Variants in MTHFD2L observed in about 807,000 individuals in gnomAD.
MTHFD2L encodes the protein methylenetetrahydrofolate dehydrogenase (NADP+ dependent) 2 like.
In MTHFD2L, 29 loss-of-function variants were observed where a neutral mutation model predicts 34.9. The observed-to-expected ratio is 0.83, with a 90% CI of 0.62 to 1.13. The LOEUF (loss-of-function observed/expected upper bound fraction) is 1.13, where lower values mean the gene tolerates loss of function less well. MTHFD2L is among the 50% of genes most tolerant of loss of function. The pLI is 0.00. For synonymous variants in MTHFD2L, 167 were observed against 155.7 expected (o/e 1.07, Z -0.54); for missense variants, 481 against 446.5 (o/e 1.08, Z -0.70).
At chr4:74,229,372 TTAAAG>T (rs1373983418) in intron 6 of MTHFD2L, among the ~76,000 whole-genome samples, 24 of 152,120 alleles carry the variant, frequency 1.6e-4, no homozygotes, top group African/African-American at 5.1e-4. Context: ...CAGTGGGTAT[TTAAAG>T]GAAATAGTGA....
At chr4:74,209,278 G>A (rs1735887874) in intron 5 of MTHFD2L, among the ~76,000 whole-genome samples, 1 of 152,100 alleles carries the variant, frequency 6.6e-6, no homozygotes, top group African/African-American at 2.4e-5. Flanking sequence ...GGGCCATGGT[G>A]GTTTGCTGCA....
intron 7 of MTHFD2L, among the ~76,000 whole-genome samples, chr4:74,293,988 T>G (rs891971497): frequency 6.6e-6 from 1 of 152,068 alleles, no homozygotes; most frequent in African/African-American, 2.4e-5. Context: ...TTGCCACAGA[T>G]AAGGAATCAT....
intron 3 of MTHFD2L, among the ~76,000 whole-genome samples, chr4:74,188,442 G>A (rs766837318): frequency 6.6e-6 from 1 of 152,112 alleles, no homozygotes; most frequent in Non-Finnish European, 1.5e-5. Flanking sequence ...CTACCCTCAT[G>A]AACTCATCTA....
At chr4:74,196,753 C>T (rs1733547866) in intron 3 of MTHFD2L, among the ~76,000 whole-genome samples, 1 of 151,998 alleles carries the variant, frequency 6.6e-6, no homozygotes, top group Admixed American at 6.6e-5. Flanking sequence ...TGAGACCAGC[C>T]TGGCCAATAT....
intron 5 of MTHFD2L, among the ~76,000 whole-genome samples, chr4:74,201,779 T>A (rs1369109155): frequency 6.6e-6 from 1 of 152,116 alleles, no homozygotes; most frequent in Non-Finnish European, 1.5e-5. Flanking sequence ...AAGCTGAGGC[T>A]TAGAGTTGTT....
At chr4:74,292,803 G>A (rs16850862) in intron 7 of MTHFD2L, among the ~76,000 whole-genome samples, 58,180 of 151,844 alleles carry the variant, frequency 0.38, 14,517 homozygotes, top group African/African-American at 0.72. Flanking sequence ...GGTCATAGCT[G>A]GAGTTCACAG....
At chr4:74,169,624 C>G (rs1727474909) in intron 1 of MTHFD2L, among the ~76,000 whole-genome samples, 1 of 152,128 alleles carries the variant, frequency 6.6e-6, no homozygotes, top group African/African-American at 2.4e-5. Context: ...ATTGCTGACA[C>G]AAATTGATTT....
intron 1 of MTHFD2L, among the ~76,000 whole-genome samples, chr4:74,139,276 G>T (rs1381116315): frequency 6.6e-6 from 1 of 152,164 alleles, no homozygotes; most frequent in Non-Finnish European, 1.5e-5. Flanking sequence ...GGGATGGCTA[G>T]TGGGGATTCA....
chr4:74,210,250 A>G (rs765674964), intron 5 of MTHFD2L, among the ~76,000 whole-genome samples: 1 of 152,162 alleles, frequency 6.6e-6, no homozygotes, highest in Non-Finnish European at 1.5e-5. Flanking sequence ...TGTTTCAGTC[A>G]CGAAGATATT....
chr4:74,194,898 T>G (rs1245412834), intron 3 of MTHFD2L: 1 of 152,246 alleles, frequency 6.6e-6, no homozygotes, highest in African/African-American at 2.4e-5. Context: ...TTCTGGAGTC[T>G]CTCTGAATCT....
chr4:74,245,575 C>T (rs1742315969), intron 6 of MTHFD2L, among the ~76,000 whole-genome samples: 1 of 152,000 alleles, frequency 6.6e-6, no homozygotes, highest in Admixed American at 6.5e-5. Context: ...GTGCTGCACC[C>T]ATTAACTCGT....
intron 6 of MTHFD2L, among the ~76,000 whole-genome samples, chr4:74,242,476 A>G (rs1741863696): frequency 6.6e-6 from 1 of 152,212 alleles, no homozygotes; most frequent in Non-Finnish European, 1.5e-5. Context: ...TCTTATTTAA[A>G]TCTTCCAACA....
chr4:74,225,498 T>A, intron 6 of MTHFD2L, 104 bp downstream of exon 6: 1 of 813,944 alleles, frequency 1.2e-6, no homozygotes, highest in Non-Finnish European at 2.1e-6. Context: ...TAGCTTTATG[T>A]ATGACTAACT....
At chr4:74,254,952 T>A (rs1460831217) in intron 6 of MTHFD2L, among the ~76,000 whole-genome samples, 3 of 151,890 alleles carry the variant, frequency 2.0e-5, no homozygotes, top group Non-Finnish European at 4.4e-5. Context: ...CTGGCCAATG[T>A]GGTAAAACCC....
intron 6 of MTHFD2L, among the ~76,000 whole-genome samples, chr4:74,252,010 C>T (rs1743378494): frequency 6.6e-6 from 1 of 152,122 alleles, no homozygotes. Flanking sequence ...CAGGTGAATG[C>T]TTGGAAAAAG....
intron 1 of MTHFD2L, among the ~76,000 whole-genome samples, chr4:74,148,897 A>C (rs2109852381): frequency 1.3e-5 from 2 of 151,902 alleles, no homozygotes; most frequent in East Asian, 3.9e-4. Flanking sequence ...TCTGTATCCC[A>C]AAAGGCTATA....
intron 3 of MTHFD2L, among the ~76,000 whole-genome samples, 164 bp downstream of exon 3, chr4:74,175,567 C>T (rs977503592): frequency 3.3e-5 from 5 of 152,058 alleles, no homozygotes; most frequent in Non-Finnish European, 1.5e-5. Context: ...ATGATTTGTG[C>T]TTACATGGAC....
At chr4:74,281,636 G>T in intron 7 of MTHFD2L, 86 bp downstream of exon 7, 2 of 1,337,898 alleles carry the variant, frequency 1.5e-6, no homozygotes, top group East Asian at 5.0e-5. Flanking sequence ...TTCATTTATG[G>T]AGGAATTATT....
At chr4:74,255,382 A>G (rs1292486627) in intron 6 of MTHFD2L, among the ~76,000 whole-genome samples, 2 of 152,204 alleles carry the variant, frequency 1.3e-5, no homozygotes, top group Non-Finnish European at 2.9e-5. Flanking sequence ...AAGTTAAAGG[A>G]ATCAAAGCAT....
Sources: gnomAD v4.1 joint callset for allele counts (sites outside exome capture counted in the v4.1 genomes callset) on GRCh38, gnomAD v4.1.1 for gene constraint, MANE v1.5 for transcripts, NCBI Gene and HGNC (gene_info 2026-07-23, HGNC 2026-07-21) for gene names.